The following C16orf78 variants were observed in gnomAD, a reference collection of about 807,000 sequenced individuals.
The protein encoded by C16orf78 is chromosome 16 open reading frame 78, also known as uncharacterized protein C16orf78.
In C16orf78, 19 loss-of-function variants were observed where a neutral mutation model predicts 27.3. That is an observed-to-expected ratio of 0.70 (90% CI 0.49 to 1.02). The LOEUF (loss-of-function observed/expected upper bound fraction) is 1.02. Ranked by LOEUF, C16orf78 falls within the 50% of genes least tolerant of loss-of-function variation. The probability of loss-of-function intolerance (pLI) is 0.00; values close to 1 mark genes in which losing one functional copy is unlikely to be tolerated. For missense variants in C16orf78, 339 were observed against 337.0 expected (o/e 1.01, Z -0.05); for synonymous variants, 130 against 116.1 (o/e 1.12, Z -0.77).
intron 3 of C16orf78, among the ~76,000 whole-genome samples, chr16:49,390,921 T>C (rs1965405242): frequency 6.6e-6 from 1 of 152,226 alleles, no homozygotes; most frequent in South Asian, 2.1e-4. Flanking sequence ...ATCATGGGGC[T>C]CCTCTCATTT....
chr16:49,386,756 T>C (rs1965356597), intron 3 of C16orf78, among the ~76,000 whole-genome samples: 1 of 152,176 alleles, frequency 6.6e-6, no homozygotes, highest in South Asian at 2.1e-4. Flanking sequence ...GCTCCATCCA[T>C]GTTCTTGCAA....
rs1425451496 is a variant in C16orf78, at chr16:49,399,400, C to G, written c.*122C>G. 1.1e-5 allele frequency: 14 copies of G among 1,219,680 alleles called. No homozygotes were observed. The highest frequency in any genetic ancestry group is 1.6e-5 in the Non-Finnish European group (14 of 876,776). 75.6% of individuals were successfully genotyped at this position (1,219,680 alleles called of 1,614,324 possible). On this transcript the variant is annotated 3_prime_UTR_variant, in exon 5 of 5. Coordinates refer to ENST00000299191, the MANE Select transcript of C16orf78 (RefSeq NM_144602.4). ...TTAGTGCATCCCTTTAGAAAGTAAG[C>G]AATCAGAAAACAAGCCTCGGCTGTG...
chr16:49,383,883 G>A (rs184455372), intron 3 of C16orf78, among the ~76,000 whole-genome samples: 66 of 152,178 alleles, frequency 4.3e-4, no homozygotes, highest in Non-Finnish European at 7.9e-4. Context: ...AATTAATAAA[G>A]CTCCAATAAC....
intron 1 of C16orf78, among the ~76,000 whole-genome samples, chr16:49,376,984 C>T (rs1232306388): frequency 1.3e-5 from 2 of 152,180 alleles, no homozygotes; most frequent in Non-Finnish European, 2.9e-5. Context: ...TGCTCTGGCA[C>T]CCACCCCTAA....
rs931007479 is a variant in C16orf78 at position 49,378,450 on chromosome 16, T to A, written c.271-20T>A. 5.8e-6 allele frequency: 9 copies of A among 1,557,974 alleles called. No individual in the cohort carries two copies. Among genetic ancestry groups the A allele is most frequent in the African/African-American group, 1.4e-5 (1 of 73,524 alleles). ...CAGGTCCTGTAACTGGGGTGTGACTTCTCACCTGCTCCCTCCAAGGCCTTA... is the reference window on the plus strand; with the variant it reads ...CAGGTCCTGTAACTGGGGTGTGACTACTCACCTGCTCCCTCCAAGGCCTTA... On this transcript the variant is annotated intron_variant, in intron 2 of 4. Coordinates refer to ENST00000299191, the MANE Select transcript of C16orf78 (RefSeq NM_144602.4).
chr16:49,397,125 C>T (rs1965485421), intron 4 of C16orf78, among the ~76,000 whole-genome samples: 1 of 152,152 alleles, frequency 6.6e-6, no homozygotes, highest in African/African-American at 2.4e-5. Context: ...GGATCATGAA[C>T]AAAGTGTGAA....
intron 3 of C16orf78, among the ~76,000 whole-genome samples, chr16:49,381,973 A>G (rs1965292060): frequency 1.3e-5 from 2 of 151,854 alleles, no homozygotes; most frequent in Admixed American, 1.3e-4. Context: ...ACATATGTTT[A>G]TTGCGGCATT....
intron 1 of C16orf78, among the ~76,000 whole-genome samples, chr16:49,376,852 C>T (rs1197524961): frequency 6.6e-6 from 1 of 152,034 alleles, no homozygotes; most frequent in Non-Finnish European, 1.5e-5. Context: ...CAGCCCTCAG[C>T]CGTGGATAGA....
intron 1 of C16orf78, among the ~76,000 whole-genome samples, chr16:49,376,946 G>GATCCAGTCT (rs1965226471): frequency 6.6e-6 from 1 of 152,006 alleles, no homozygotes; most frequent in Non-Finnish European, 1.5e-5. Flanking sequence ...TCCCAGAGGA[G>GATCCAGTCT]ATCCAGTCTA....
At chr16:49,395,272 G>C (rs1185612659) in intron 3 of C16orf78, among the ~76,000 whole-genome samples, 3 of 152,156 alleles carry the variant, frequency 2.0e-5, no homozygotes, top group African/African-American at 7.2e-5. Flanking sequence ...GAAATGAGTA[G>C]AGAATATTCC....
chr16:49,391,295 C>T (rs975092479), intron 3 of C16orf78, among the ~76,000 whole-genome samples: 2 of 152,170 alleles, frequency 1.3e-5, no homozygotes, highest in Non-Finnish European at 2.9e-5. Context: ...AATTCCCTCC[C>T]TGGGCACCTA....
At chr16:49,396,358 C>A in intron 3 of C16orf78, 65 bp from the exon 4 acceptor site, 1 of 1,566,022 alleles carries the variant, frequency 6.4e-7, no homozygotes, top group Non-Finnish European at 8.7e-7. Flanking sequence ...TCATCCCCTT[C>A]CTGCCTACCC....
intron 2 of C16orf78, 77 bp downstream of exon 2, chr16:49,377,927 T>TA: frequency 1.3e-6 from 2 of 1,503,178 alleles, no homozygotes; most frequent in South Asian, 2.5e-5. Context: ...CTCTCCTGCA[T>TA]AATGCCTGCC....
At position 49,378,553 on chromosome 16, in the gene C16orf78, G is replaced by GGA. The variant is rs1485489934; in HGVS notation, c.355_356insAG (p.Val119GlufsTer40). 6.2e-7 allele frequency: 1 copy of GGA among 1,613,806 alleles called. No individual in the cohort carries two copies. The highest frequency in any genetic ancestry group is 1.7e-5 in the Admixed American group (1 of 59,982). ...AGCAAAAGGGGAAACACCTCAGCAT[G>GGA]GTCCCTGGCAGCTACATCAAGGATG... On this transcript the variant is annotated frameshift_variant, in exon 3 of 5. Coordinates refer to ENST00000299191, the MANE Select transcript of C16orf78 (RefSeq NM_144602.4). LOFTEE classifies it high-confidence loss of function.
At chr16:49,377,687 C>T (rs774293106) in intron 1 of C16orf78, 44 bp from the exon 2 acceptor site, 2 of 1,585,234 alleles carry the variant, frequency 1.3e-6, no homozygotes, top group East Asian at 2.3e-5. Flanking sequence ...GGGATGCTGT[C>T]CCCACAGCAG....
intron 3 of C16orf78, among the ~76,000 whole-genome samples, chr16:49,395,792 C>A (rs1291098182): frequency 6.6e-6 from 1 of 152,140 alleles, no homozygotes; most frequent in Non-Finnish European, 1.5e-5. Flanking sequence ...ATCCTCTAGG[C>A]TACCTCCTCT....
At chr16:49,393,339 G>A (rs1965436750) in intron 3 of C16orf78, among the ~76,000 whole-genome samples, 1 of 152,150 alleles carries the variant, frequency 6.6e-6, no homozygotes, top group African/African-American at 2.4e-5. Context: ...CATCTGAATA[G>A]AGAACATGTA....
chr16:49,392,864 A>G (rs1337177474), intron 3 of C16orf78, among the ~76,000 whole-genome samples: 3 of 152,164 alleles, frequency 2.0e-5, no homozygotes, highest in African/African-American at 4.8e-5. Flanking sequence ...AGTTCCCACA[A>G]TTCCCAGGTA....
intron 3 of C16orf78, among the ~76,000 whole-genome samples, chr16:49,393,104 A>G (rs1414652632): frequency 6.6e-6 from 1 of 152,150 alleles, no homozygotes; most frequent in East Asian, 1.9e-4. Flanking sequence ...TCTTTCCTTT[A>G]TAAATTACCC....
Sources: gnomAD v4.1 joint callset for allele counts (sites outside exome capture counted in the v4.1 genomes callset) on GRCh38, gnomAD v4.1.1 for gene constraint, MANE v1.5 for transcripts, NCBI Gene and HGNC (gene_info 2026-07-23, HGNC 2026-07-21) for gene names.